Variants in TPO observed in about 807,000 individuals in gnomAD.
TPO encodes the protein thyroid peroxidase.
In TPO, 78 loss-of-function variants were observed where a neutral mutation model predicts 96.9. The observed-to-expected ratio is 0.81, with a 90% confidence interval of 0.67 to 0.97. The LOEUF (loss-of-function observed/expected upper bound fraction) is 0.97, where lower values mean the gene tolerates loss of function less well. Ranked by LOEUF, TPO falls within the 50% of genes least tolerant of loss-of-function variation. The pLI, the probability that TPO is intolerant of heterozygous loss-of-function variation, is 0.00. For missense variants in TPO, 1,252 were observed against 1,274.8 expected (o/e 0.98, Z 0.27); for synonymous variants, 547 against 538.0 (o/e 1.02, Z -0.23).
intron 15 of TPO, among the ~76,000 whole-genome samples, chr2:1,527,007 CCCCCCCACTGTGTGCAACCTCCTCAAAT>C (rs1374569498): frequency 3.1e-5 from 4 of 130,134 alleles, no homozygotes; most frequent in African/African-American, 9.5e-5. Context: ...CTCCTCAAAT[CCCCCCCACTGTGTGCAACCTCCTCAAAT>C]CCCCCCACTG....
At chr2:1,527,383 C>T (rs1458592088) in intron 15 of TPO, among the ~76,000 whole-genome samples, 1 of 141,880 alleles carries the variant, frequency 7.0e-6, no homozygotes. Context: ...TGTGTGCAAC[C>T]ACCCCAAATC....
chr2:1,522,019 G>A (rs1307355924), intron 15 of TPO, among the ~76,000 whole-genome samples: 1 of 151,954 alleles, frequency 6.6e-6, no homozygotes, highest in Non-Finnish European at 1.5e-5. Context: ...ACCCACTTCT[G>A]AGCAAGTATA....
chr2:1,421,003 A>C (rs982687873), intron 2 of TPO, among the ~76,000 whole-genome samples: 1 of 151,920 alleles, frequency 6.6e-6, no homozygotes, highest in African/African-American at 2.4e-5. Flanking sequence ...CTCAGGAGAG[A>C]AGTTCAAGTG....
At chr2:1,441,547 T>C (rs73170229) in intron 5 of TPO, among the ~76,000 whole-genome samples, 43,659 of 152,022 alleles carry the variant, frequency 0.29, 6,769 homozygotes, top group South Asian at 0.39. Context: ...TTCCAGCTTC[T>C]TTCTGTTTCT....
intron 14 of TPO, among the ~76,000 whole-genome samples, chr2:1,505,501 AC>A (rs60247078): frequency 4.7e-5 from 2 of 42,754 alleles, no homozygotes; most frequent in Non-Finnish European, 8.7e-5. Flanking sequence ...TGTCAGGCAC[AC>A]CCCCACCACC....
chr2:1,449,740 T>C (rs1353402357), intron 5 of TPO, among the ~76,000 whole-genome samples: 1 of 152,144 alleles, frequency 6.6e-6, no homozygotes, highest in African/African-American at 2.4e-5. Flanking sequence ...TCGCAGAACA[T>C]ATGATGGGTA....
chr2:1,542,515 C>G lies in TPO; in HGVS notation c.*41C>G. 1 of 1,613,000 alleles carries G rather than the reference C, an allele frequency of 6.2e-7. No homozygotes were observed. On this transcript the variant is annotated 3_prime_UTR_variant, in exon 17 of 17. Coordinates refer to ENST00000329066, the MANE Select transcript of TPO (RefSeq NM_001206744.2). ...ACACTGCAGAACAGCTTCATGTTCC[C>G]AAAATCACCGTACGACTCTTTTCCA...
At chr2:1,506,746 G>A (rs1302468585) in intron 14 of TPO, among the ~76,000 whole-genome samples, 2 of 152,164 alleles carry the variant, frequency 1.3e-5, no homozygotes, top group South Asian at 4.2e-4. Context: ...TTTTTTTCTT[G>A]TAAATTTGTT....
chr2:1,532,161 C>T (rs1191033883), intron 15 of TPO, among the ~76,000 whole-genome samples: 3 of 124,602 alleles, frequency 2.4e-5, no homozygotes, highest in African/African-American at 9.3e-5. Context: ...GTGCAACCTA[C>T]ACAAATGCCC....
At chr2:1,506,795 A>G (rs1307962387) in intron 14 of TPO, among the ~76,000 whole-genome samples, 51 of 151,036 alleles carry the variant, frequency 3.4e-4, no homozygotes, top group Non-Finnish European at 5.2e-4. Flanking sequence ...CCCTTTGTCA[A>G]ATGAGTAGGT....
chr2:1,525,162 C>A lies in TPO; in HGVS notation c.2618+8180C>A, dbSNP rs147511211. On this transcript the variant is annotated intron_variant, in intron 15 of 16. Transcript: ENST00000329066. ...TCACCCTCACTGTGTGCAACCTCCTCAAGTCCCCCACTGTGTGCAATCCGC... is the reference window on the plus strand; with the variant it reads ...TCACCCTCACTGTGTGCAACCTCCTAAAGTCCCCCACTGTGTGCAATCCGC... 3.1e-5 allele frequency among the ~76,000 whole-genome samples: 4 copies of A among 130,922 alleles called. No individual in the cohort carries two copies. In the South Asian group the frequency reaches 1.0e-3, roughly 33 times the overall value. 85.9% of individuals were successfully genotyped at this position (130,922 alleles called of 152,430 possible). A position where few individuals can be genotyped will look rare whatever the true frequency, so the allele number is the denominator to read the frequency against.
chr2:1,453,532 G>A (rs1667504641), intron 5 of TPO, among the ~76,000 whole-genome samples, 162 bp from the exon 6 acceptor site: 1 of 152,156 alleles, frequency 6.6e-6, no homozygotes, highest in South Asian at 2.1e-4. Context: ...GTCATGACCT[G>A]GGCCTCCAGG....
At position 1,456,157 on chromosome 2, in the gene TPO, G is replaced by T. The variant is rs1009675585; in HGVS notation, c.694G>T (p.Ala232Ser). The T allele has an allele frequency of 6.2e-7, 1 of 1,614,046 alleles. No homozygotes were observed. The highest frequency in any genetic ancestry group is 1.1e-5 in the South Asian group (1 of 91,074). The change falls in exon 7 of 17, where the codon GCA becomes TCA. Residue 232 changes from alanine (A) to serine (S), a missense_variant. Transcript: ENST00000329066. ...TGACCGCTATTCTGACCTCCTGATG[G>T]CATGGGGACAATACATCGACCACGA... ...DDDRYSDLLM[A>S]WGQYIDHDIA...
intron 1 of TPO, among the ~76,000 whole-genome samples, chr2:1,391,558 A>T (rs1394615520): frequency 6.6e-6 from 1 of 152,186 alleles, no homozygotes; most frequent in Non-Finnish European, 1.5e-5. Flanking sequence ...GAAGAAAGTC[A>T]TTGGTAGCTT....
intron 8 of TPO, chr2:1,478,384 T>G: frequency 1.0e-6 from 1 of 985,196 alleles, no homozygotes; most frequent in Non-Finnish European, 1.2e-6. Context: ...GTGTCTGCAG[T>G]CCTAGCCGGG....
In TPO at chr2:1,439,776, C is replaced by T. The variant is rs562776584; in HGVS notation, c.482+3392C>T. Among the ~76,000 whole-genome samples the T allele has an allele frequency of 2.0e-5, 3 of 152,222 alleles. No individual in the cohort carries two copies. The East Asian group carries it at 5.8e-4, about 30-fold the overall frequency. ...ACCCTCTGATGCCCCACTGTGAGTT[C>T]CTCGCCATCCTCCCCATCTGGGTGG... On this transcript the variant is annotated intron_variant, in intron 5 of 16. Coordinates refer to ENST00000329066, the MANE Select transcript of TPO (RefSeq NM_001206744.2).
At chr2:1,503,467 T>G (rs1673072179) in intron 13 of TPO, among the ~76,000 whole-genome samples, 1 of 152,210 alleles carries the variant, frequency 6.6e-6, no homozygotes. Flanking sequence ...AGGATTCTTG[T>G]GCAGGGGGAG....
chr2:1,392,385 G>A (rs1251457319), intron 1 of TPO, among the ~76,000 whole-genome samples: 1 of 152,168 alleles, frequency 6.6e-6, no homozygotes, highest in Admixed American at 6.5e-5. Context: ...GCTTTTTAAT[G>A]TGCTGCTGGA....
chr2:1,535,208 A>G (rs1405431771), intron 15 of TPO, among the ~76,000 whole-genome samples: 22 of 109,164 alleles, frequency 2.0e-4, no homozygotes, highest in Admixed American at 1.6e-3. Flanking sequence ...AACCTCATCA[A>G]TTTCCCCCCA....
Sources: allele counts gnomAD v4.1 joint callset (sites outside exome capture counted in the v4.1 genomes callset), GRCh38; gene constraint gnomAD v4.1.1; transcripts MANE v1.5; gene names NCBI Gene and HGNC (gene_info 2026-07-23, HGNC 2026-07-21).